The following CREB5 variants were observed in gnomAD, a reference collection of about 807,000 sequenced individuals.
CREB5 encodes cyclic AMP-responsive element-binding protein 5.
CREB5 carries 19 observed loss-of-function variants against 57.1 expected under a neutral mutation model. That is an observed-to-expected ratio of 0.33 (90% confidence interval 0.23 to 0.49). CREB5 has a LOEUF of 0.49. Ranked by LOEUF, CREB5 falls within the 20% of genes least tolerant of loss-of-function variation. CREB5 has a pLI of 0.99. For missense variants in CREB5, 579 were observed against 671.6 expected (o/e 0.86, Z 1.52); for synonymous variants, 238 against 238.3 (o/e 1.00, Z 0.01).
chr7:28,332,230 G>C (rs1464493724), intron 1 of CREB5, among the ~76,000 whole-genome samples: 1 of 152,178 alleles, frequency 6.6e-6, no homozygotes, highest in African/African-American at 2.4e-5. Context: ...GAGAACCTCT[G>C]TGAGGAGTGT....
intron 7 of CREB5, among the ~76,000 whole-genome samples, chr7:28,760,639 C>T (rs1805590354): frequency 6.6e-6 from 1 of 151,924 alleles, no homozygotes; most frequent in Admixed American, 6.6e-5. Flanking sequence ...AAATATTTCC[C>T]TCCAAAATAT....
At chr7:28,349,568 C>T (rs898710986) in intron 1 of CREB5, among the ~76,000 whole-genome samples, 4 of 152,082 alleles carry the variant, frequency 2.6e-5, no homozygotes, top group African/African-American at 9.7e-5. Flanking sequence ...TTTTGCTCCA[C>T]GTTCTTACGG....
chr7:28,727,560 G>A (rs1271240071), intron 7 of CREB5, among the ~76,000 whole-genome samples: 1 of 152,180 alleles, frequency 6.6e-6, no homozygotes, highest in Non-Finnish European at 1.5e-5. Flanking sequence ...TGTTCTCAGA[G>A]TTATGTAGAT....
chr7:28,594,597 T>G (rs2128666058), intron 5 of CREB5, among the ~76,000 whole-genome samples: 1 of 152,320 alleles, frequency 6.6e-6, no homozygotes, highest in East Asian at 1.9e-4. Flanking sequence ...ATCACTCAAC[T>G]AGACGGTGGA....
rs1796864557 is a variant in CREB5, at chr7:28,600,284, G to A, written c.464+29747G>A. Among the ~76,000 whole-genome samples the A allele has an allele frequency of 1.3e-5, 2 of 152,140 alleles. 1 individual carries two copies. The highest frequency in any genetic ancestry group is 4.1e-4 in the South Asian group (2 of 4,830). On this transcript the variant is annotated intron_variant, in intron 5 of 10. Transcript: ENST00000357727. ...GCTGAGTAGGAAATGGAGAATGGGT[G>A]CAAAAACCATCGACTGTCCTGACAT...
chr7:28,370,819 G>T (rs1786692108), intron 1 of CREB5, among the ~76,000 whole-genome samples: 1 of 152,124 alleles, frequency 6.6e-6, no homozygotes, highest in Non-Finnish European at 1.5e-5. Flanking sequence ...ATTATTCAAA[G>T]ATTGCACTTT....
intron 7 of CREB5, among the ~76,000 whole-genome samples, chr7:28,777,261 A>G (rs1806715340): frequency 1.3e-5 from 2 of 152,210 alleles, no homozygotes; most frequent in Admixed American, 1.3e-4. Flanking sequence ...GTCCGAACTC[A>G]TTGTACAGTG....
intron 1 of CREB5, among the ~76,000 whole-genome samples, chr7:28,325,778 T>A (rs1073297): frequency 0.16 from 24,285 of 152,200 alleles, 2,017 homozygotes; most frequent in East Asian, 0.25. Flanking sequence ...GACTTAAATG[T>A]CACCCTTGTT....
chr7:28,486,251 A>G (rs1791538462), intron 1 of CREB5, among the ~76,000 whole-genome samples: 2 of 152,198 alleles, frequency 1.3e-5, no homozygotes, highest in Admixed American at 6.5e-5. Context: ...GTGCTTCAGA[A>G]AAGTGAAAGT....
At chr7:28,421,606 G>A (rs748820684) in intron 1 of CREB5, among the ~76,000 whole-genome samples, 1 of 151,970 alleles carries the variant, frequency 6.6e-6, no homozygotes, top group Non-Finnish European at 1.5e-5. Flanking sequence ...CTAAAAGCTA[G>A]GCACGTAACA....
At chr7:28,324,408 T>A (rs1406751636) in intron 1 of CREB5, among the ~76,000 whole-genome samples, 1 of 152,182 alleles carries the variant, frequency 6.6e-6, no homozygotes, top group Non-Finnish European at 1.5e-5. Flanking sequence ...ATTACCTCCA[T>A]GCTCTCAAGT....
At chr7:28,647,453 A>G (rs186238259) in intron 5 of CREB5, among the ~76,000 whole-genome samples, 2 of 152,242 alleles carry the variant, frequency 1.3e-5, no homozygotes, top group African/African-American at 4.8e-5. Context: ...GTATGATTAA[A>G]GATATTTTGC....
At chr7:28,341,455 G>A (rs746376840) in intron 1 of CREB5, among the ~76,000 whole-genome samples, 42 of 152,136 alleles carry the variant, frequency 2.8e-4, no homozygotes, top group Non-Finnish European at 5.9e-5. Context: ...GTTGACTAGT[G>A]CAAGGCAAGA....
chr7:28,682,689 G>A (rs1237745666), intron 5 of CREB5, among the ~76,000 whole-genome samples: 2 of 148,694 alleles, frequency 1.3e-5, no homozygotes, highest in African/African-American at 5.0e-5. Flanking sequence ...AAGTGGGGGG[G>A]GGGGGAAACC....
chr7:28,420,678 C>T (rs1326773708), intron 1 of CREB5, among the ~76,000 whole-genome samples: 2 of 151,960 alleles, frequency 1.3e-5, no homozygotes, highest in Non-Finnish European at 1.5e-5. Context: ...CATGGTGGCA[C>T]ACACCTGTAG....
At chr7:28,560,853 TGTGTGCGTGTGCCTGCGTGCGCGTGC>T (rs1795106712) in intron 4 of CREB5, among the ~76,000 whole-genome samples, 5 of 65,692 alleles carry the variant, frequency 7.6e-5, no homozygotes, top group South Asian at 6.2e-4. Context: ...TGCGCGTGTG[TGTGTGCGTGTGCCTGCGTGCGCGTGC>T]GTGCGTGCGT....
chr7:28,523,764 C>T (rs147584247), intron 4 of CREB5, among the ~76,000 whole-genome samples: 41 of 152,360 alleles, frequency 2.7e-4, no homozygotes, highest in East Asian at 2.1e-3. Flanking sequence ...ATCTAATCCA[C>T]GCATGAAAGC....
chr7:28,734,232 A>T (rs1475971450), intron 7 of CREB5, among the ~76,000 whole-genome samples: 3 of 139,222 alleles, frequency 2.2e-5, no homozygotes, highest in Non-Finnish European at 4.7e-5. Context: ...AAAAAAAAAC[A>T]CAAACAAAAA....
At chr7:28,414,873 C>T (rs1235597570) in intron 1 of CREB5, among the ~76,000 whole-genome samples, 1 of 151,796 alleles carries the variant, frequency 6.6e-6, no homozygotes, top group African/African-American at 2.4e-5. Flanking sequence ...ATTTTTGAAG[C>T]TCTTATTGAG....
Sources: allele counts gnomAD v4.1 joint callset (sites outside exome capture counted in the v4.1 genomes callset), GRCh38; gene constraint gnomAD v4.1.1; transcripts MANE v1.5; gene names NCBI Gene and HGNC (gene_info 2026-07-23, HGNC 2026-07-21).